The following WWOX variants were observed in gnomAD, a reference collection of about 807,000 sequenced individuals.
The protein encoded by WWOX is WW domain-containing oxidoreductase.
In WWOX, 69 loss-of-function variants were observed where a neutral mutation model predicts 46.2. That is an observed-to-expected ratio of 1.49 (90% CI 1.23 to 1.82). The LOEUF is 1.82. Ranked by LOEUF, WWOX falls within the 40% of genes most tolerant of loss-of-function variation. The pLI is 0.00. For synonymous variants in WWOX, 359 were observed against 202.6 expected (o/e 1.77, Z -6.56); for missense variants, 919 against 542.6 (o/e 1.69, Z -6.89).
intron 5 of WWOX, among the ~76,000 whole-genome samples, chr16:78,243,501 C>G (rs1002223890): frequency 7.9e-4 from 120 of 152,022 alleles, no homozygotes; most frequent in African/African-American, 2.7e-3. Context: ...TTTTTCGGTC[C>G]TCTCCCTCCT....
chr16:78,651,295 C>A (rs2046961410), intron 8 of WWOX, among the ~76,000 whole-genome samples: 1 of 152,206 alleles, frequency 6.6e-6, no homozygotes, highest in South Asian at 2.1e-4. Flanking sequence ...AGCGAGAGAG[C>A]CCTGAGGTGC....
At chr16:78,509,924 T>TA (rs59162697) in intron 8 of WWOX, among the ~76,000 whole-genome samples, 18,779 of 142,102 alleles carry the variant, frequency 0.13, 1,278 homozygotes, top group Non-Finnish European at 0.16. Flanking sequence ...CTCATCTCTT[T>TA]AAAAAAAAAA....
chr16:78,364,349 A>C (rs936307004), intron 5 of WWOX, among the ~76,000 whole-genome samples: 1 of 152,180 alleles, frequency 6.6e-6, no homozygotes, highest in Non-Finnish European at 1.5e-5. Context: ...GCTGTATCTA[A>C]TTACAAGGCA....
Position 78,468,733 on chromosome 16 carries a change from C to G in WWOX, c.1056+35981C>G, listed in dbSNP as rs565701628. 3.3e-5 allele frequency among the ~76,000 whole-genome samples: 5 copies of G among 152,294 alleles called. No individual in the cohort carries two copies. In the South Asian group the frequency reaches 1.0e-3, roughly 32 times the overall value. ...TGTCTGCAAAGGAGGGATGATGGTA[C>G]TTACCTCAAAGAATTGTAGTTGGAT... is the stretch of plus-strand genomic sequence containing the variant. On this transcript the variant is annotated intron_variant, in intron 8 of 8. Coordinates refer to ENST00000566780, the MANE Select transcript of WWOX (RefSeq NM_016373.4).
intron 8 of WWOX, among the ~76,000 whole-genome samples, chr16:78,450,009 T>C (rs1266038162): frequency 6.6e-6 from 1 of 151,346 alleles, no homozygotes; most frequent in Non-Finnish European, 1.5e-5. Flanking sequence ...TTTGTTATGA[T>C]TTTTTTTAAG....
intron 8 of WWOX, among the ~76,000 whole-genome samples, chr16:78,541,946 A>G (rs1376074507): frequency 7.1e-6 from 1 of 141,078 alleles, no homozygotes; most frequent in Non-Finnish European, 1.5e-5. Context: ...TTGAGGACAG[A>G]TGGGACTATT....
At chr16:78,679,794 G>T (rs570896782) in intron 8 of WWOX, among the ~76,000 whole-genome samples, 1 of 152,328 alleles carries the variant, frequency 6.6e-6, no homozygotes, top group Admixed American at 6.5e-5. Flanking sequence ...GAGAACAGCA[G>T]CACTCTTGCT....
intron 8 of WWOX, among the ~76,000 whole-genome samples, chr16:78,726,743 G>A (rs912864980): frequency 2.6e-5 from 4 of 151,630 alleles, no homozygotes; most frequent in East Asian, 1.9e-4. Flanking sequence ...TTTTGCCAGG[G>A]GATGCTGTGG....
At chr16:78,975,390 A>C (rs770673521) in intron 8 of WWOX, among the ~76,000 whole-genome samples, 5 of 151,888 alleles carry the variant, frequency 3.3e-5, no homozygotes, top group Non-Finnish European at 7.4e-5. Context: ...CTTGCAACAA[A>C]ATCTTACGTG....
chr16:78,959,295 AT>A (rs2046228597), intron 8 of WWOX, among the ~76,000 whole-genome samples: 1 of 152,232 alleles, frequency 6.6e-6, no homozygotes, highest in East Asian at 1.9e-4. Flanking sequence ...TTCAAAAGGC[AT>A]GTATTTTTTA....
intron 8 of WWOX, among the ~76,000 whole-genome samples, chr16:79,054,534 G>T (rs1293709424): frequency 1.3e-5 from 2 of 152,192 alleles, no homozygotes; most frequent in African/African-American, 4.8e-5. Flanking sequence ...TTTTAAAAGA[G>T]TGATGGGTCT....
chr16:79,095,089 C>T (rs140851236), intron 8 of WWOX, among the ~76,000 whole-genome samples: 93 of 152,316 alleles, frequency 6.1e-4, no homozygotes, highest in African/African-American at 2.1e-3. Flanking sequence ...TTCTCTGCCC[C>T]AGCCCCGTTC....
chr16:79,194,244 T>C (rs16949866), intron 8 of WWOX, among the ~76,000 whole-genome samples: 2,163 of 152,334 alleles, frequency 0.014, 53 homozygotes, highest in African/African-American at 0.049. Flanking sequence ...TCATTTTGTT[T>C]ATCCATCAAC....
Position 78,101,377 on chromosome 16 carries a change from C to G in WWOX, c.107+1492C>G, listed in dbSNP as rs1474688807. On this transcript the variant is annotated intron_variant, in intron 1 of 8. Coordinates refer to ENST00000566780, the MANE Select transcript of WWOX (RefSeq NM_016373.4). ...TTTTTTTTTTTTAAAGACAGGGTCT[C>G]GCTCCGTCGCCCAAACTGGAGTGCC... Among the ~76,000 whole-genome samples, 6 of 33,206 alleles carry G rather than the reference C, an allele frequency of 1.8e-4. No individual in the cohort carries two copies. In the East Asian group the frequency reaches 7.4e-3, roughly 41 times the overall value. The allele number at this position is 33,206 out of a possible 152,430, so 21.8% of individuals were successfully genotyped here.
rs1244389296 is a variant in WWOX, at chr16:78,574,691, C to G, written c.1056+141939C>G. Reference sequence around the variant, plus strand: ...AGGACATTATGTTAAGTCAAATAAGCCAGACACAGACAGACAAAGACATAT... The same window carrying G: ...AGGACATTATGTTAAGTCAAATAAGGCAGACACAGACAGACAAAGACATAT... On this transcript the variant is annotated intron_variant, in intron 8 of 8. Coordinates refer to ENST00000566780, the MANE Select transcript of WWOX (RefSeq NM_016373.4). Among the ~76,000 whole-genome samples the G allele has an allele frequency of 2.6e-5, 4 of 151,400 alleles. No homozygotes were observed. In the South Asian group the frequency reaches 6.3e-4, roughly 24 times the overall value.
rs770649734 is a variant in WWOX at position 78,424,878 on chromosome 16, A to G, written c.614A>G (p.His205Arg). Reference sequence around the variant, plus strand: ...GATATTTTATTTTTCAGGCCTCTTCATGTGCTTGTGTGCAACGCAGCAACT... The same window carrying G: ...GATATTTTATTTTTCAGGCCTCTTCGTGTGCTTGTGTGCAACGCAGCAACT... The part of the protein sequence containing the change: ...EAFKAKNVPL[H>R]VLVCNAATFA... The change falls in exon 7 of 9, where the codon CAT (histidine) becomes CGT (arginine). Residue 205 changes from histidine to arginine, a missense_variant. Transcript: ENST00000566780. The G allele has an allele frequency of 1.2e-6, 2 of 1,614,104 alleles. No homozygotes were observed. The highest frequency in any genetic ancestry group is 1.7e-6 in the Non-Finnish European group (2 of 1,180,030).
chr16:78,408,034 TA>T (rs1253831421), intron 6 of WWOX, among the ~76,000 whole-genome samples: 1 of 152,138 alleles, frequency 6.6e-6, no homozygotes, highest in Non-Finnish European at 1.5e-5. Context: ...AATGGGTACT[TA>T]AAGTCCAGGT....
chr16:79,127,588 C>T (rs990632411), intron 8 of WWOX, among the ~76,000 whole-genome samples: 7 of 152,190 alleles, frequency 4.6e-5, no homozygotes, highest in Non-Finnish European at 8.8e-5. Context: ...GCACCGACAT[C>T]GCTTCCCACG....
At chr16:78,228,686 A>T (rs2037151007) in intron 5 of WWOX, among the ~76,000 whole-genome samples, 1 of 152,186 alleles carries the variant, frequency 6.6e-6, no homozygotes, top group East Asian at 1.9e-4. Flanking sequence ...ATGACTTAAA[A>T]ATTCACCTTG....
Sources: gnomAD v4.1 joint callset for allele counts (sites outside exome capture counted in the v4.1 genomes callset) on GRCh38, gnomAD v4.1.1 for gene constraint, MANE v1.5 for transcripts, NCBI Gene and HGNC (gene_info 2026-07-23, HGNC 2026-07-21) for gene names.